The following TPRG1 variants were observed in gnomAD, a reference collection of about 807,000 sequenced individuals.
TPRG1 encodes tumor protein p63 regulated 1, also known as tumor protein p63-regulated gene 1 protein.
A neutral mutation model predicts 29.3 loss-of-function variants in TPRG1; 29 were observed. That is an observed-to-expected ratio of 0.99 (90% CI 0.74 to 1.35). The LOEUF (loss-of-function observed/expected upper bound fraction) is 1.35, where lower values mean the gene tolerates loss of function less well. Among genes scored for constraint, TPRG1 ranks in the 40% most tolerant of loss-of-function variants. The pLI, the probability that TPRG1 is intolerant of heterozygous loss-of-function variation, is 0.00. For synonymous variants in TPRG1, 130 were observed against 116.8 expected, an observed-to-expected ratio of 1.11 and a Z score of -0.73; for missense variants, 327 against 335.0, an observed-to-expected ratio of 0.98 and a Z score of 0.19.
chr3:189,039,074 T>A (rs548484140), intron 4 of TPRG1, among the ~76,000 whole-genome samples: 1 of 152,334 alleles, frequency 6.6e-6, no homozygotes, highest in Non-Finnish European at 1.5e-5. Flanking sequence ...TATGTATATA[T>A]ATACCCCTTG....
chr3:189,267,525 T>C (rs907572428), intron 4 of TPRG1: 1 of 152,240 alleles, frequency 6.6e-6, no homozygotes, highest in African/African-American at 2.4e-5. Context: ...TGGTGGGAAC[T>C]GTTGCTAAAG....
chr3:189,054,720 T>C (rs1217760149), intron 4 of TPRG1, among the ~76,000 whole-genome samples: 1 of 151,922 alleles, frequency 6.6e-6, no homozygotes, highest in African/African-American at 2.4e-5. Context: ...GTAGAGGTTA[T>C]GGTGAGCTAT....
At chr3:189,196,843 A>G (rs1409399535) in intron 1 of TPRG1, among the ~76,000 whole-genome samples, 2 of 152,216 alleles carry the variant, frequency 1.3e-5, no homozygotes, top group East Asian at 3.8e-4. Context: ...TAAAGGCTGG[A>G]GTTTTTATTT....
At chr3:189,207,634 A>T in intron 2 of TPRG1, 40 bp downstream of exon 2, 1 of 1,584,238 alleles carries the variant, frequency 6.3e-7, no homozygotes, top group Non-Finnish European at 8.6e-7. Context: ...ATAAAAATTC[A>T]CCCCAAGACA....
intron 3 of TPRG1, among the ~76,000 whole-genome samples, chr3:189,021,605 T>G (rs1350099943): frequency 6.6e-6 from 1 of 152,216 alleles, no homozygotes; most frequent in East Asian, 1.9e-4. Context: ...AGATCTGCTG[T>G]TAGTCTGATG....
At chr3:189,218,145 C>T in intron 3 of TPRG1, 1 of 715,460 alleles carries the variant, frequency 1.4e-6, no homozygotes, top group Non-Finnish European at 1.7e-6. Flanking sequence ...CGGAGTCTCG[C>T]TCTGTCACCC....
intron 4 of TPRG1, among the ~76,000 whole-genome samples, chr3:189,280,709 A>G (rs756415077): frequency 6.6e-6 from 1 of 152,098 alleles, no homozygotes; most frequent in Non-Finnish European, 1.5e-5. Flanking sequence ...CTGTAACCCT[A>G]CCATGGCTAT....
intron 4 of TPRG1, among the ~76,000 whole-genome samples, chr3:189,052,950 G>C (rs1715424571): frequency 6.6e-6 from 1 of 152,136 alleles, no homozygotes; most frequent in South Asian, 2.1e-4. Context: ...TGAAAGAGGG[G>C]TGAGTGATAA....
chr3:189,107,202 A>G (rs185236309), intron 1 of TPRG1, among the ~76,000 whole-genome samples: 2 of 152,162 alleles, frequency 1.3e-5, no homozygotes, highest in East Asian at 1.9e-4. Context: ...TAGGTGACCT[A>G]TTATATAGGG....
rs532670483 is a variant in TPRG1, at chr3:189,257,606, A to G, written c.479+18697A>G. 5.3e-5 allele frequency among the ~76,000 whole-genome samples: 8 copies of G among 152,278 alleles called. No homozygotes were observed. In the East Asian group the frequency reaches 1.5e-3, roughly 29 times the overall value. On this transcript the variant is annotated intron_variant, in intron 4 of 5. Transcript: ENST00000345063. ...ATAATATCCTGAAGTATGTTTTTCA[A>G]CTTAGTTTCATTATTCCTGTCACTT...
intron 5 of TPRG1, among the ~76,000 whole-genome samples, chr3:189,157,202 T>G (rs1443553368): frequency 1.3e-5 from 2 of 152,196 alleles, no homozygotes; most frequent in Non-Finnish European, 2.9e-5. Context: ...GAGAGAAGCT[T>G]GATCGAGCAT....
intron 1 of TPRG1, among the ~76,000 whole-genome samples, chr3:189,122,790 C>T (rs560736845): frequency 7.2e-5 from 11 of 152,228 alleles, no homozygotes; most frequent in East Asian, 3.9e-4. Flanking sequence ...TTTGTTCCTA[C>T]GGTAACTATG....
intron 3 of TPRG1, among the ~76,000 whole-genome samples, chr3:189,216,490 A>G (rs952122002): frequency 4.6e-5 from 7 of 152,224 alleles, no homozygotes; most frequent in African/African-American, 1.4e-4. Flanking sequence ...CTTAGACACC[A>G]ACTTATCTGT....
rs1390761165 is a variant in TPRG1, at chr3:189,137,300, G to A, written c.-291+4603G>A. Among the ~76,000 whole-genome samples, 11 of 57,290 alleles carry A rather than the reference G, an allele frequency of 1.9e-4. No homozygotes were observed. In the African/African-American group the frequency reaches 2.3e-3, roughly 12 times the overall value. 37.6% of individuals were successfully genotyped at this position (57,290 alleles called of 152,430 possible). On this transcript the variant is annotated intron_variant, in intron 3 of 6. Coordinates refer to the TPRG1 transcript ENST00000412373. Reference sequence around the variant, plus strand: ...ACAGCTTCTGAAAACCCCAAAATGTGTGTGTGTGTGTGTGTGTGTGTGTGT... The same window carrying A: ...ACAGCTTCTGAAAACCCCAAAATGTATGTGTGTGTGTGTGTGTGTGTGTGT...
At position 189,270,376 on chromosome 3, in the gene TPRG1, C is replaced by G. The variant is rs1714911145; in HGVS notation, c.479+31467C>G. Among the ~76,000 whole-genome samples, 2 of 152,184 alleles carry G rather than the reference C, an allele frequency of 1.3e-5. 1 individual carries two copies. The highest frequency in any genetic ancestry group is 4.1e-4 in the South Asian group (2 of 4,826). On this transcript the variant is annotated intron_variant, in intron 4 of 5. Transcript: ENST00000345063. ...TTGCTTCTGAGATTTCAAATACATT[C>G]TACTTGTCTGAAATCCATGCAGTTC... is the stretch of plus-strand genomic sequence containing the variant.
chr3:189,206,359 A>T (rs1734370385), intron 1 of TPRG1, among the ~76,000 whole-genome samples: 1 of 151,504 alleles, frequency 6.6e-6, no homozygotes, highest in Non-Finnish European at 1.5e-5. Flanking sequence ...ATTTTATTTT[A>T]TTTTTTGGTG....
chr3:189,057,544 C>A (rs1715781547), intron 4 of TPRG1, among the ~76,000 whole-genome samples: 1 of 150,506 alleles, frequency 6.6e-6, no homozygotes, highest in Non-Finnish European at 1.5e-5. Context: ...TTTCTACAAC[C>A]CCATCACTTT....
chr3:189,177,304 A>G (rs1356193991), intron 1 of TPRG1, among the ~76,000 whole-genome samples: 1 of 152,028 alleles, frequency 6.6e-6, no homozygotes, highest in Non-Finnish European at 1.5e-5. Context: ...TGGACAGGTT[A>G]AGTTTGAAAT....
chr3:189,041,021 A>C (rs1714601079), intron 4 of TPRG1, among the ~76,000 whole-genome samples: 1 of 152,122 alleles, frequency 6.6e-6, no homozygotes, highest in African/African-American at 2.4e-5. Context: ...GGCTGAGAGC[A>C]CCTGCATCTT....
Sources: allele counts gnomAD v4.1 joint callset (sites outside exome capture counted in the v4.1 genomes callset), GRCh38; gene constraint gnomAD v4.1.1; transcripts MANE v1.5; gene names NCBI Gene and HGNC (gene_info 2026-07-23, HGNC 2026-07-21).